The following CTNND2 variants were observed in gnomAD, a reference collection of about 807,000 sequenced individuals.
CTNND2 encodes catenin delta-2.
Under a neutral mutation model 144.4 loss-of-function variants are expected in CTNND2, and 22 were observed. That is an observed-to-expected ratio of 0.15 (90% CI 0.11 to 0.22). The LOEUF (loss-of-function observed/expected upper bound fraction) is 0.22, where lower values mean the gene tolerates loss of function less well. Among genes scored for constraint, CTNND2 ranks in the 10% least tolerant of loss-of-function variants. CTNND2 has a pLI of 1.00. For synonymous variants in CTNND2, 751 were observed against 695.6 expected (o/e 1.08, Z -1.25); for missense variants, 1,353 against 1,618.8 (o/e 0.84, Z 2.82).
chr5:11,102,822 A>G (rs2149672900), intron 14 of CTNND2, among the ~76,000 whole-genome samples: 1 of 152,174 alleles, frequency 6.6e-6, no homozygotes, highest in Non-Finnish European at 1.5e-5. Flanking sequence ...TGGCCCCTGT[A>G]AAAAAAGGTC....
intron 10 of CTNND2, among the ~76,000 whole-genome samples, chr5:11,209,578 T>C (rs1293405350): frequency 1.3e-5 from 2 of 152,172 alleles, no homozygotes; most frequent in Non-Finnish European, 2.9e-5. Flanking sequence ...CAAGAATGAA[T>C]GAGGAGTCCT....
intron 3 of CTNND2, among the ~76,000 whole-genome samples, chr5:11,443,697 A>G (rs965822459): frequency 4.0e-5 from 6 of 150,448 alleles, no homozygotes; most frequent in African/African-American, 1.5e-4. Context: ...ACAACAACAA[A>G]CTACTCTGAT....
At chr5:11,042,375 C>T (rs1374123481) in intron 16 of CTNND2, among the ~76,000 whole-genome samples, 1 of 152,218 alleles carries the variant, frequency 6.6e-6, no homozygotes, top group Non-Finnish European at 1.5e-5. Context: ...ATGCATCTGT[C>T]TTGTTCTTAT....
intron 9 of CTNND2, among the ~76,000 whole-genome samples, chr5:11,296,232 A>C (rs1336167132): frequency 6.6e-6 from 1 of 152,152 alleles, no homozygotes; most frequent in Non-Finnish European, 1.5e-5. Flanking sequence ...ACATGAAAAA[A>C]TGCTCACCAT....
chr5:11,098,890 C>T, intron 14 of CTNND2, 142 bp from the exon 15 acceptor site: 3 of 703,106 alleles, frequency 4.3e-6, no homozygotes, highest in Non-Finnish European at 7.0e-6. Flanking sequence ...GCTATTGCAT[C>T]AGCAGTCCAG....
At chr5:11,465,415 T>G (rs957824140) in intron 3 of CTNND2, among the ~76,000 whole-genome samples, 1 of 152,108 alleles carries the variant, frequency 6.6e-6, no homozygotes, top group Non-Finnish European at 1.5e-5. Flanking sequence ...TTTGTGCAAC[T>G]GGTAAAAATT....
In CTNND2 at chr5:11,744,262, G is replaced by A. The variant is rs143900099; in HGVS notation, c.38-11990C>T. 4.6e-4 allele frequency among the ~76,000 whole-genome samples: 70 copies of A among 152,304 alleles called. No homozygotes were observed. In the East Asian group the frequency reaches 0.012, roughly 26 times the overall value. ...TTTTAAAAACAAACCAGTGGTTAAG[G>A]GTGAATCAATTGCTGCTGCTCCTGA... On this transcript the variant is annotated intron_variant, in intron 1 of 21. Transcript: ENST00000304623.
intron 1 of CTNND2, among the ~76,000 whole-genome samples, chr5:11,766,742 T>C (rs2126815832): frequency 6.6e-6 from 1 of 152,278 alleles, no homozygotes; most frequent in East Asian, 1.9e-4. Context: ...GAGGGAAGGC[T>C]TTCAGTCCTG....
chr5:11,188,728 A>T (rs1735919612), intron 11 of CTNND2, among the ~76,000 whole-genome samples: 1 of 152,164 alleles, frequency 6.6e-6, no homozygotes, highest in Non-Finnish European at 1.5e-5. Context: ...AGGAAGGGGG[A>T]GCTATGGCTG....
chr5:11,817,963 A>C (rs1441402648), intron 1 of CTNND2, among the ~76,000 whole-genome samples: 1 of 148,540 alleles, frequency 6.7e-6, no homozygotes, highest in African/African-American at 2.5e-5. Context: ...CATGAAGTGA[A>C]GATACGTATT....
At chr5:11,064,051 G>A (rs1025989577) in intron 16 of CTNND2, among the ~76,000 whole-genome samples, 1 of 152,104 alleles carries the variant, frequency 6.6e-6, no homozygotes, top group African/African-American at 2.4e-5. Context: ...AGACCCAGGA[G>A]ATGCCAGCAA....
chr5:11,258,842 T>A (rs181555472), intron 9 of CTNND2, among the ~76,000 whole-genome samples: 1 of 152,366 alleles, frequency 6.6e-6, no homozygotes, highest in East Asian at 1.9e-4. Context: ...ATTCTCCATA[T>A]CTTTTTTCTT....
chr5:11,292,529 TAGTG>T (rs1028165073), intron 9 of CTNND2, among the ~76,000 whole-genome samples: 76 of 152,292 alleles, frequency 5.0e-4, no homozygotes, highest in African/African-American at 1.4e-3. Flanking sequence ...GTTCTCATGA[TAGTG>T]AGTGAATTCT....
intron 11 of CTNND2, among the ~76,000 whole-genome samples, chr5:11,161,426 G>A (rs377517536): frequency 1.4e-4 from 21 of 152,220 alleles, no homozygotes; most frequent in African/African-American, 4.3e-4. Flanking sequence ...TTCTGATTTG[G>A]ACTGATTTGA....
chr5:11,848,708 G>A (rs1236164940), intron 1 of CTNND2, among the ~76,000 whole-genome samples: 2 of 152,136 alleles, frequency 1.3e-5, no homozygotes, highest in African/African-American at 4.8e-5. Context: ...CTCGTAGAGA[G>A]CTTCTATACA....
chr5:11,650,314 C>A (rs562447036), intron 2 of CTNND2, among the ~76,000 whole-genome samples: 1 of 152,334 alleles, frequency 6.6e-6, no homozygotes, highest in Non-Finnish European at 1.5e-5. Context: ...GAGGTCTCTG[C>A]AACCATGCTT....
At chr5:11,381,557 A>G (rs1261807204) in intron 7 of CTNND2, among the ~76,000 whole-genome samples, 1 of 152,154 alleles carries the variant, frequency 6.6e-6, no homozygotes, top group Non-Finnish European at 1.5e-5. Context: ...CTGCTTAGAA[A>G]ACCTTCTGCC....
chr5:11,724,617 G>A (rs964786617), intron 2 of CTNND2, among the ~76,000 whole-genome samples: 1 of 152,164 alleles, frequency 6.6e-6, no homozygotes, highest in African/African-American at 2.4e-5. Context: ...TATTTCAAAA[G>A]TTCTGAATCA....
intron 1 of CTNND2, among the ~76,000 whole-genome samples, chr5:11,815,635 T>A (rs1266112665): frequency 6.6e-6 from 1 of 152,122 alleles, no homozygotes; most frequent in Non-Finnish European, 1.5e-5. Context: ...TCATGATAGA[T>A]CTCGTAAAAT....
Sources: allele counts gnomAD v4.1 joint callset (sites outside exome capture counted in the v4.1 genomes callset), GRCh38; gene constraint gnomAD v4.1.1; transcripts MANE v1.5; gene names NCBI Gene and HGNC (gene_info 2026-07-23, HGNC 2026-07-21).